The following ABCF1 variants were observed in gnomAD, a reference collection of about 807,000 sequenced individuals.
ABCF1 encodes ATP-binding cassette sub-family F member 1.
Under a neutral mutation model 126.3 loss-of-function variants are expected in ABCF1, and 73 were observed. The observed-to-expected ratio is 0.58, with a 90% confidence interval of 0.48 to 0.70. The LOEUF is 0.70. Ranked by LOEUF, ABCF1 falls within the 30% of genes least tolerant of loss-of-function variation. The pLI is 0.00. For missense variants in ABCF1, 786 were observed against 1,057.5 expected (o/e 0.74, Z 3.56); for synonymous variants, 345 against 396.4 (o/e 0.87, Z 1.54).
intron 3 of ABCF1, 47 bp from the exon 4 acceptor site, chr6:30,578,029 G>A (rs768005326): frequency 6.2e-7 from 1 of 1,613,930 alleles, no homozygotes. Context: ...CAGAAATACA[G>A]CAGGGGCCTG....
Position 30,583,769 on chromosome 6 carries a change from A to T in ABCF1, c.1017-36A>T, listed in dbSNP as rs765211438. The T allele has an allele frequency of 6.2e-7, 1 of 1,613,648 alleles. No individual in the cohort carries two copies. The highest frequency in any genetic ancestry group is 1.1e-5 in the South Asian group (1 of 91,076). ...CTGGAGGGAAAAGAAGAGATTTCTC[A>T]GTGGTGGCCAGGTCCTAATAGCTTT... On this transcript the variant is annotated intron_variant, in intron 11 of 24. Coordinates refer to ENST00000326195, the MANE Select transcript of ABCF1 (RefSeq NM_001025091.2). The surrounding 1 kb of genome is among the most constrained non-coding windows in gnomAD (Gnocchi z 4.1).
intron 8 of ABCF1, 60 bp downstream of exon 8, chr6:30,580,579 G>C: frequency 9.6e-7 from 1 of 1,042,046 alleles, no homozygotes; most frequent in Non-Finnish European, 1.3e-6. Flanking sequence ...GGGTCCTTAT[G>C]GGAGAGTTAG....
chr6:30,584,229 T>C lies in ABCF1; in HGVS notation c.1140T>C (p.Val380=), dbSNP rs1258774958. 1 of 1,612,984 alleles carries C rather than the reference T, an allele frequency of 6.2e-7. No individual in the cohort carries two copies. Among genetic ancestry groups the C allele is most frequent in the Non-Finnish European group, 8.5e-7 (1 of 1,179,998 alleles). Residue 380 remains valine (V), a synonymous_variant, in exon 13 of 25, where the codon GTT becomes GTC. Coordinates refer to ENST00000326195, the MANE Select transcript of ABCF1 (RefSeq NM_001025091.2). The surrounding 1 kb of genome is among the most constrained non-coding windows in gnomAD (Gnocchi z 4.6). The part of the protein sequence containing the change: ...VADETPAVQA[V]LRADTKRLKL... ...ATGAGACACCAGCAGTCCAGGCTGT[T>C]CTTCGAGCTGACACCAAGCGATTGA...
At chr6:30,573,480 G>A (rs1363712561) in intron 1 of ABCF1, among the ~76,000 whole-genome samples, 1 of 152,194 alleles carries the variant, frequency 6.6e-6, no homozygotes, top group Non-Finnish European at 1.5e-5. Flanking sequence ...GCTGGATATG[G>A]AAGAGTCCCC....
rs1410033771 is a variant in ABCF1 at position 30,584,359 on chromosome 6, G to A, written c.1242+28G>A. 1.2e-6 allele frequency: 2 copies of A among 1,612,980 alleles called. No individual in the cohort carries two copies. Among genetic ancestry groups the A allele is most frequent in the African/African-American group, 2.7e-5 (2 of 74,920 alleles). On this transcript the variant is annotated intron_variant, in intron 13 of 24. Coordinates refer to ENST00000326195, the MANE Select transcript of ABCF1 (RefSeq NM_001025091.2). This position sits in a 1 kb window ranked among gnomAD's most constrained non-coding sequence, Gnocchi z 4.6. ...AGAGGAGATGGCGCAGGGGACACGG[G>A]CAAAGACTTGGGGGTTCCTGGGACC... is the stretch of plus-strand genomic sequence containing the variant.
At chr6:30,588,438 T>C (rs1012087324) in intron 20 of ABCF1, among the ~76,000 whole-genome samples, 4 of 152,106 alleles carry the variant, frequency 2.6e-5, no homozygotes, top group African/African-American at 9.7e-5. Context: ...CTTGGCTCAC[T>C]GCAACCTCCG....
chr6:30,584,246 A>G lies in ABCF1; in HGVS notation c.1157A>G (p.Lys386Arg), dbSNP rs755279541. The G allele has an allele frequency of 1.9e-6, 3 of 1,613,078 alleles. No homozygotes were observed. The South Asian group carries it at 3.3e-5, about 18-fold the overall frequency. The change falls in exon 13 of 25, where the codon AAG becomes AGG. Residue 386 changes from lysine (K) to arginine (R), a missense_variant. Transcript: ENST00000326195. The surrounding 1 kb of genome is among the most constrained non-coding windows in gnomAD (Gnocchi z 4.6). Reference protein sequence around the residue: ...AVQAVLRADTKRLKLLEEERR... With the variant: ...AVQAVLRADTRRLKLLEEERR... ...CAGGCTGTTCTTCGAGCTGACACCA[A>G]GCGATTGAAGCTGCTGGAAGAGGAG...
chr6:30,586,420 G>A lies in ABCF1; in HGVS notation c.1886-54G>A. ...TGTTCTCCAAGGCCAGCACATGAGAGGGACTTTGCAGGGACTGAAAAGAAT... is the reference window on the plus strand; with the variant it reads ...TGTTCTCCAAGGCCAGCACATGAGAAGGACTTTGCAGGGACTGAAAAGAAT... On this transcript the variant is annotated intron_variant, in intron 18 of 24. Coordinates refer to ENST00000326195, the MANE Select transcript of ABCF1 (RefSeq NM_001025091.2). This position sits in a 1 kb window ranked among gnomAD's most constrained non-coding sequence, Gnocchi z 4.9. 1 of 1,611,316 alleles carries A rather than the reference G, an allele frequency of 6.2e-7. No homozygotes were observed. Among genetic ancestry groups the A allele is most frequent in the Admixed American group, 1.7e-5 (1 of 59,948 alleles).
intron 6 of ABCF1, among the ~76,000 whole-genome samples, chr6:30,579,090 G>A (rs928426687): frequency 9.2e-5 from 14 of 152,034 alleles, no homozygotes; most frequent in Admixed American, 3.9e-4. Context: ...CTGAAACAAA[G>A]CCCCAGGTCC....
intron 9 of ABCF1, 92 bp downstream of exon 9, chr6:30,582,599 G>C: frequency 7.6e-7 from 1 of 1,312,624 alleles, no homozygotes; most frequent in Non-Finnish European, 1.1e-6. Context: ...GAAAGGTTTG[G>C]GGGCTACTCC....
chr6:30,590,465 T>C (rs1802386568), intron 24 of ABCF1, 70 bp from the exon 25 acceptor site: 1 of 1,577,926 alleles, frequency 6.3e-7, no homozygotes, highest in Non-Finnish European at 8.6e-7. Flanking sequence ...TAGGACTCCC[T>C]TATTTCATGT....
At position 30,571,955 on chromosome 6, in the gene ABCF1, C is replaced by G. The variant is rs1402171350; in HGVS notation, c.73+395C>G. On this transcript the variant is annotated intron_variant, in intron 1 of 24. Transcript: ENST00000326195. ...CGCGCGCATACACACACCTTGGGAG[C>G]CTGTGATCCCCCTTGTTTCTCAAGA... Among the ~76,000 whole-genome samples, 3 of 152,168 alleles carry G rather than the reference C, an allele frequency of 2.0e-5. No homozygotes were observed. The East Asian group carries it at 5.8e-4, about 29-fold the overall frequency.
rs535721110 is a variant in ABCF1, at chr6:30,577,446, C to A, written c.111C>A (p.Ile37=). The change falls in exon 2 of 25, where the codon ATC becomes ATA. Residue 37 remains isoleucine, a synonymous_variant. Transcript: ENST00000326195. ...AGAAAGGGAAGAAGGACAAGAAGATCAAAAAAACGGTGAGAAAATGAGGGT... is the reference window on the plus strand; with the variant it reads ...AGAAAGGGAAGAAGGACAAGAAGATAAAAAAAACGGTGAGAAAATGAGGGT... The part of the protein sequence containing the change: ...VVKKGKKDKK[I]KKTFFEELAV... 2 of 1,612,464 alleles carry A rather than the reference C, an allele frequency of 1.2e-6. No homozygotes were observed. The highest frequency in any genetic ancestry group is 1.7e-5 in the Admixed American group (1 of 59,660).
chr6:30,585,199 G>A, intron 14 of ABCF1, 61 bp from the exon 15 acceptor site: 2 of 1,451,246 alleles, frequency 1.4e-6, no homozygotes, highest in Non-Finnish European at 1.9e-6. Flanking sequence ...AGTTTTCTCT[G>A]GGGTTGTCTG....
In ABCF1 at chr6:30,583,172, A is replaced by G. The variant is rs1237469951; in HGVS notation, c.899A>G (p.Asn300Ser). 6.2e-7 allele frequency: 1 copy of G among 1,607,790 alleles called. No individual in the cohort carries two copies. The highest frequency in any genetic ancestry group is 1.7e-5 in the Admixed American group (1 of 59,922). ...TCCTCCCGCCAAGCCATGTTAGAAA[A>G]TGCATCTGACATCAAGGTAAGGTCT... The part of the protein sequence containing the change: ...EMSSRQAMLE[N>S]ASDIKLEKFS... The change falls in exon 10 of 25, where the codon AAT (asparagine) becomes AGT (serine). Residue 300 changes from asparagine (N) to serine (S), a missense_variant. Transcript: ENST00000326195. This position sits in a 1 kb window ranked among gnomAD's most constrained non-coding sequence, Gnocchi z 4.1.
intron 1 of ABCF1, among the ~76,000 whole-genome samples, chr6:30,573,618 A>G (rs1174329291): frequency 6.6e-6 from 1 of 152,220 alleles, no homozygotes; most frequent in Non-Finnish European, 1.5e-5. Flanking sequence ...AAACAGCCAG[A>G]GAAACTGGAG....
rs1388300331 is a variant in ABCF1, at chr6:30,591,115, A to C, written c.*414A>C. 5.8e-6 allele frequency: 1 copy of C among 172,096 alleles called. No homozygotes were observed. The highest frequency in any genetic ancestry group is 1.2e-5 in the Non-Finnish European group (1 of 81,928). The allele number at this position is 172,096 out of a possible 1,614,324, so 10.7% of individuals were successfully genotyped here. On this transcript the variant is annotated 3_prime_UTR_variant, in exon 25 of 25. Transcript: ENST00000326195. ...GGTGCTGTTCTTTTCTGGTGGATTT[A>C]ATGCTGACTCACTGGTACAAACAGC...
Position 30,584,420 on chromosome 6 carries a change from G to T in ABCF1, c.1245G>T (p.Val415=). The change falls in exon 14 of 25, where the codon GTG becomes GTT. Residue 415 remains valine (V), a splice_region_variant and synonymous_variant. Coordinates refer to ENST00000326195, the MANE Select transcript of ABCF1 (RefSeq NM_001025091.2). The surrounding 1 kb of genome is among the most constrained non-coding windows in gnomAD (Gnocchi z 4.6). ...DDTAAERLEK[V]YEELRATGAA... ...TGTCCTCTTCTCCCTCCTCCCAGGT[G>T]TATGAGGAATTGCGGGCCACTGGGG... The T allele has an allele frequency of 6.2e-7, 1 of 1,613,122 alleles. No homozygotes were observed. Among genetic ancestry groups the T allele is most frequent in the South Asian group, 1.1e-5 (1 of 91,088 alleles).
At chr6:30,587,363 A>C (rs1033689226) in intron 20 of ABCF1, among the ~76,000 whole-genome samples, 2 of 152,122 alleles carry the variant, frequency 1.3e-5, no homozygotes, top group African/African-American at 4.8e-5. Flanking sequence ...AACCAGCCTG[A>C]GCCCAGTGTG....
Sources: gnomAD v4.1 joint callset for allele counts (sites outside exome capture counted in the v4.1 genomes callset) on GRCh38, gnomAD v4.1.1 for gene constraint, Gnocchi (gnomAD v3.1) non-coding constraint, MANE v1.5 for transcripts, NCBI Gene and HGNC (gene_info 2026-07-23, HGNC 2026-07-21) for gene names.